The following GUCA1C variants were observed in gnomAD, a reference collection of about 807,000 sequenced individuals.
GUCA1C encodes guanylyl cyclase-activating protein 3.
GUCA1C carries 15 observed loss-of-function variants against 16.2 expected under a neutral mutation model. The observed-to-expected ratio is 0.93, with a 90% confidence interval of 0.62 to 1.43. The LOEUF (loss-of-function observed/expected upper bound fraction) is 1.43. GUCA1C is among the 40% of genes most tolerant of loss of function. The pLI, the probability that GUCA1C is intolerant of heterozygous loss-of-function variation, is 0.00. For synonymous variants in GUCA1C, 78 were observed against 85.4 expected, an observed-to-expected ratio of 0.91 and a Z score of 0.48; for missense variants, 275 against 244.8, an observed-to-expected ratio of 1.12 and a Z score of -0.82.
Position 108,920,568 on chromosome 3 carries a change from A to T in GUCA1C, c.222T>A (p.Phe74Leu), listed in dbSNP as rs902203673. 1 of 1,510,722 alleles carries T rather than the reference A, an allele frequency of 6.6e-7. No individual in the cohort carries two copies. Among genetic ancestry groups the T allele is most frequent in the Non-Finnish European group, 9.2e-7 (1 of 1,086,552 alleles). 93.6% of individuals were successfully genotyped at this position (1,510,722 alleles called of 1,614,324 possible). A position where few individuals can be genotyped will look rare whatever the true frequency, so the allele number is the denominator to read the frequency against. Residue 74 changes from phenylalanine (F) to leucine (L), a missense_variant, in exon 2 of 4, where the codon TTT becomes TTA. Coordinates refer to ENST00000261047, the MANE Select transcript of GUCA1C (RefSeq NM_005459.4). ...GATTTACAGCAGCAATAAACTCCAA[A>T]AAGTCAACAAATCCATCCTATGGAA... ...FDTNKDGFVD[F>L]LEFIAAVNLI...
chr3:108,953,324 C>G (rs1417032060), intron 1 of GUCA1C, among the ~76,000 whole-genome samples: 1 of 152,028 alleles, frequency 6.6e-6, no homozygotes, highest in Non-Finnish European at 1.5e-5. Context: ...AAATAACTCC[C>G]TACATGCAGA....
chr3:108,914,858 C>T (rs1420946997), intron 3 of GUCA1C, among the ~76,000 whole-genome samples: 1 of 152,202 alleles, frequency 6.6e-6, no homozygotes, highest in Admixed American at 6.5e-5. Context: ...TTCCTGGCTG[C>T]ACGTAGCCTC....
At chr3:108,921,934 C>G (rs1174456721) in intron 1 of GUCA1C, among the ~76,000 whole-genome samples, 1 of 152,078 alleles carries the variant, frequency 6.6e-6, no homozygotes, top group Non-Finnish European at 1.5e-5. Context: ...CCTCGCCACC[C>G]TCTACCCTTT....
intron 1 of GUCA1C, among the ~76,000 whole-genome samples, chr3:108,924,761 T>C (rs1168378946): frequency 1.3e-5 from 2 of 151,790 alleles, no homozygotes; most frequent in Non-Finnish European, 3.0e-5. Context: ...CTGTGAATCC[T>C]GGACTTTTTT....
intron 1 of GUCA1C, among the ~76,000 whole-genome samples, chr3:108,951,253 C>T (rs952401932): frequency 6.6e-6 from 1 of 152,026 alleles, no homozygotes; most frequent in Non-Finnish European, 1.5e-5. Flanking sequence ...TATACTTATA[C>T]GCAACTCATG....
At position 108,945,466 on chromosome 3, in the gene GUCA1C, G is replaced by A. The variant is rs536681141; in HGVS notation, c.204+8093C>T. Among the ~76,000 whole-genome samples, 11 of 152,260 alleles carry A rather than the reference G, an allele frequency of 7.2e-5. No homozygotes were observed. In the East Asian group the frequency reaches 1.3e-3, roughly 19 times the overall value. On this transcript the variant is annotated intron_variant, in intron 1 of 3. Coordinates refer to ENST00000261047, the MANE Select transcript of GUCA1C (RefSeq NM_005459.4). Reference sequence around the variant, plus strand: ...AGACTTTATATTTTGACACGTTTGCGCCAGTCTAGGACATTGGCTTTGAAG... The same window carrying A: ...AGACTTTATATTTTGACACGTTTGCACCAGTCTAGGACATTGGCTTTGAAG...
chr3:108,909,727 G>A (rs1037679627), intron 3 of GUCA1C, among the ~76,000 whole-genome samples: 3 of 152,166 alleles, frequency 2.0e-5, no homozygotes, highest in Non-Finnish European at 2.9e-5. Flanking sequence ...AAAGATGGAA[G>A]TATTCACTGC....
At chr3:108,946,321 A>G (rs1203049075) in intron 1 of GUCA1C, among the ~76,000 whole-genome samples, 2 of 151,910 alleles carry the variant, frequency 1.3e-5, no homozygotes, top group Non-Finnish European at 2.9e-5. Flanking sequence ...TTTTAGAGAC[A>G]AGGTTTTGCT....
At chr3:108,917,238 G>A (rs1042869529) in intron 2 of GUCA1C, among the ~76,000 whole-genome samples, 10 of 152,148 alleles carry the variant, frequency 6.6e-5, no homozygotes, top group African/African-American at 2.4e-4. Flanking sequence ...AGAAAATGTG[G>A]CCAAGTATCC....
At chr3:108,920,718 T>C in intron 1 of GUCA1C, 133 bp from the exon 2 acceptor site, 1 of 567,718 alleles carries the variant, frequency 1.8e-6, no homozygotes, top group South Asian at 2.7e-5. Context: ...CATAAAACTT[T>C]TCCCTAGTGT....
chr3:108,931,914 G>A (rs1181037412), intron 1 of GUCA1C, among the ~76,000 whole-genome samples: 4 of 144,400 alleles, frequency 2.8e-5, no homozygotes, highest in African/African-American at 1.0e-4. Flanking sequence ...TGTCACCCAG[G>A]CTGGAGTGCA....
At chr3:108,922,018 A>G (rs1039295641) in intron 1 of GUCA1C, among the ~76,000 whole-genome samples, 9 of 152,074 alleles carry the variant, frequency 5.9e-5, no homozygotes, top group Non-Finnish European at 1.2e-4. Flanking sequence ...GTGAGAACAG[A>G]CATTGTTTGG....
chr3:108,946,304 G>A (rs2107316436), intron 1 of GUCA1C, among the ~76,000 whole-genome samples: 1 of 151,196 alleles, frequency 6.6e-6, no homozygotes, highest in South Asian at 2.1e-4. Context: ...CTTTTTTTGT[G>A]CGTTTTTTTT....
In GUCA1C at chr3:108,922,582, T is replaced by C. The variant is rs140766298; in HGVS notation, c.205-1997A>G. Among the ~76,000 whole-genome samples the C allele has an allele frequency of 7.3e-3, 1,106 of 152,316 alleles. 13 individuals carry two copies. The highest frequency in any genetic ancestry group is 0.025 in the African/African-American group (1,035 of 41,568). ...ATTGTGGTTTTGATTTACATTTCCC[T>C]GATAATTAGTTATTTTAAACATTTT... On this transcript the variant is annotated intron_variant, in intron 1 of 3. Coordinates refer to ENST00000261047, the MANE Select transcript of GUCA1C (RefSeq NM_005459.4).
chr3:108,919,974 C>T (rs1946554342), intron 2 of GUCA1C, among the ~76,000 whole-genome samples: 1 of 152,034 alleles, frequency 6.6e-6, no homozygotes, highest in Non-Finnish European at 1.5e-5. Context: ...ACTTATTGAA[C>T]TTTAGATATG....
At chr3:108,910,841 G>A (rs907139770) in intron 3 of GUCA1C, among the ~76,000 whole-genome samples, 1 of 151,786 alleles carries the variant, frequency 6.6e-6, no homozygotes, top group Admixed American at 6.6e-5. Context: ...TGGTAGAGAC[G>A]GGGTTTCACC....
At chr3:108,933,545 A>C (rs567997772) in intron 1 of GUCA1C, among the ~76,000 whole-genome samples, 12 of 152,310 alleles carry the variant, frequency 7.9e-5, no homozygotes, top group Admixed American at 5.9e-4. Flanking sequence ...GAGACTTCAA[A>C]TTTAAGGTTT....
chr3:108,909,954 C>A (rs1946432272), intron 3 of GUCA1C, among the ~76,000 whole-genome samples: 1 of 152,146 alleles, frequency 6.6e-6, no homozygotes, highest in Non-Finnish European at 1.5e-5. Context: ...TTATTAAGCC[C>A]TAACCACAAT....
intron 1 of GUCA1C, among the ~76,000 whole-genome samples, chr3:108,931,317 T>C (rs1946664085): frequency 6.6e-6 from 1 of 152,228 alleles, no homozygotes; most frequent in Admixed American, 6.5e-5. Flanking sequence ...GTACAGTACA[T>C]GGGTGGTCCT....
Sources: allele counts gnomAD v4.1 joint callset (sites outside exome capture counted in the v4.1 genomes callset), GRCh38; gene constraint gnomAD v4.1.1; transcripts MANE v1.5; gene names NCBI Gene and HGNC (gene_info 2026-07-23, HGNC 2026-07-21).